Variants in CPLANE1 observed in about 807,000 individuals in gnomAD.
CPLANE1 encodes ciliogenesis and planar polarity effector 1.
A neutral mutation model predicts 362.5 loss-of-function variants in CPLANE1; 263 were observed. The observed-to-expected ratio is 0.73, with a 90% confidence interval of 0.66 to 0.80. The LOEUF (loss-of-function observed/expected upper bound fraction) is 0.80, where lower values mean the gene tolerates loss of function less well. CPLANE1 is among the 30% of genes least tolerant of loss of function. The probability of loss-of-function intolerance (pLI) is 0.00; values close to 1 mark genes in which losing one functional copy is unlikely to be tolerated. For synonymous variants in CPLANE1, 1,212 were observed against 1,302.6 expected (o/e 0.93, Z 1.50); for missense variants, 3,461 against 3,793.4 (o/e 0.91, Z 2.30).
downstream of CPLANE1, among the ~76,000 whole-genome samples, chr5:37,104,664 G>T (rs559373725): frequency 6.6e-6 from 1 of 151,692 alleles, no homozygotes. Flanking sequence ...CCAGCACTTT[G>T]GGAGGCCCAG....
At chr5:37,119,461 G>A (rs187070204) in intron 50 of CPLANE1, among the ~76,000 whole-genome samples, 136 of 151,906 alleles carry the variant, frequency 9.0e-4, no homozygotes, top group East Asian at 3.7e-3. Context: ...ACCTGAGGTC[G>A]GGAGTTCGAG....
At chr5:37,131,977 A>T (rs1474142168) in intron 46 of CPLANE1, among the ~76,000 whole-genome samples, 1 of 152,146 alleles carries the variant, frequency 6.6e-6, no homozygotes, top group Non-Finnish European at 1.5e-5. Flanking sequence ...TTTTTATTCT[A>T]ATTATTGACA....
At chr5:37,166,456 C>G (rs981099536) in intron 35 of CPLANE1, among the ~76,000 whole-genome samples, 1 of 152,076 alleles carries the variant, frequency 6.6e-6, no homozygotes, top group East Asian at 1.9e-4. Context: ...AACCATGGTT[C>G]GAAAATAGAT....
rs751074654 is a variant in CPLANE1 at position 37,165,520 on chromosome 5, T to C, written c.7533+19A>G. ...TGTACATGCAAACCAGGGAAGAATC[T>C]ATAGCAGTTTTTCTATACCTTGGGT... On this transcript the variant is annotated intron_variant, in intron 36 of 52. Coordinates refer to ENST00000651892, the MANE Select transcript of CPLANE1 (RefSeq NM_001384732.1). The C allele has an allele frequency of 1.2e-6, 2 of 1,607,472 alleles. No individual in the cohort carries two copies. The highest frequency in any genetic ancestry group is 8.5e-7 in the Non-Finnish European group (1 of 1,177,450).
At position 37,227,269 on chromosome 5, in the gene CPLANE1, T is replaced by C. The variant is rs1028627119; in HGVS notation, c.1495A>G (p.Ile499Val). 6.4e-7 allele frequency: 1 copy of C among 1,551,694 alleles called. No homozygotes were observed. Residue 499 changes from isoleucine to valine, a missense_variant, in exon 11 of 53, where the codon ATA (isoleucine) becomes GTA (valine). Physicochemically the swap from Ile to Val is conservative, Grantham distance 29. This residue lies in a region of CPLANE1 where 3,380 missense variants were observed against 3,666.1 expected (regional missense o/e 0.92). Transcript: ENST00000651892. ...VPKFLQAEET[I>V]NENAADFQDF... ...TGAAAATCTGCTGCATTTTCATTTATTGTTTCTTCTGCCTGCAAGAATTTG... is the reference window on the plus strand; with the variant it reads ...TGAAAATCTGCTGCATTTTCATTTACTGTTTCTTCTGCCTGCAAGAATTTG...
chr5:37,187,554 C>G lies in CPLANE1; in HGVS notation c.3940G>C (p.Asp1314His), dbSNP rs2151223947. Residue 1314 changes from aspartate (D) to histidine (H), a missense_variant, in exon 23 of 53, where the codon GAT becomes CAT. Around this residue, in one of 2 missense-constraint regions of CPLANE1, gnomAD observed 3,380 missense variants for 3,666.1 expected, o/e 0.92. Transcript: ENST00000651892. ...KGEKDLEVEF[D>H]SCMIEHCLSA... ...AGACAGTGCTCAATCATACAAGAAT[C>G]AAACTCCACTTCAAGGTCCTAAAAG... 1 of 1,607,738 alleles carries G rather than the reference C, an allele frequency of 6.2e-7. No individual in the cohort carries two copies. The highest frequency in any genetic ancestry group is 8.5e-7 in the Non-Finnish European group (1 of 1,178,362).
At chr5:37,085,800 C>A in the CPLANE1 span, 1 of 1,443,420 alleles carries the variant, frequency 6.9e-7, no homozygotes, top group Non-Finnish European at 9.8e-7. Context: ...ATCTGCCTCA[C>A]TATTGCTGAA....
Position 37,172,515 on chromosome 5 carries a change from T to C in CPLANE1, c.6171+1240A>G, listed in dbSNP as rs921576394. Among the ~76,000 whole-genome samples, 12 of 152,286 alleles carry C rather than the reference T, an allele frequency of 7.9e-5. No individual in the cohort carries two copies. In the South Asian group the frequency reaches 1.9e-3, roughly 24 times the overall value. The stretch of plus-strand genomic sequence containing the variant: ...ACCAGTGAAGTCCCCAAGTAATCCA[T>C]CTAACAGTTTGAGAGATGTCTCTAA... On this transcript the variant is annotated intron_variant, in intron 32 of 52. Coordinates refer to ENST00000651892, the MANE Select transcript of CPLANE1 (RefSeq NM_001384732.1).
intron 38 of CPLANE1, among the ~76,000 whole-genome samples, chr5:37,160,064 CAAAG>C (rs1412823835): frequency 6.6e-6 from 1 of 152,002 alleles, no homozygotes; most frequent in Admixed American, 6.5e-5. Context: ...TAGGTAGAAA[CAAAG>C]AGTGACAACT....
chr5:37,151,298 G>A (rs1015781971), intron 42 of CPLANE1, among the ~76,000 whole-genome samples: 3 of 152,066 alleles, frequency 2.0e-5, no homozygotes, highest in South Asian at 2.1e-4. Flanking sequence ...TTACCAGCTC[G>A]AGTCACCTCC....
Position 37,157,723 on chromosome 5 carries a change from T to C in CPLANE1, c.7958A>G (p.Tyr2653Cys), listed in dbSNP as rs371374142. ...LAVPSSAELH[Y>C]MAASVTNAVP... Reference sequence around the variant, plus strand: ...AGCATTAGTAACTGAAGCTGCCATATAATGTAACTCTGCAGACGATGGAAC... The same window carrying C: ...AGCATTAGTAACTGAAGCTGCCATACAATGTAACTCTGCAGACGATGGAAC... The change falls in exon 40 of 53, where the codon TAT becomes TGT. Residue 2653 changes from tyrosine to cysteine, a missense_variant. By Grantham distance (194) the Tyr-to-Cys change is radical. This residue lies in a region of CPLANE1 where 3,380 missense variants were observed against 3,666.1 expected (regional missense o/e 0.92). Coordinates refer to ENST00000651892, the MANE Select transcript of CPLANE1 (RefSeq NM_001384732.1). The C allele has an allele frequency of 4.6e-5, 74 of 1,613,916 alleles. No homozygotes were observed. Among genetic ancestry groups the C allele is most frequent in the Non-Finnish European group, 6.3e-5 (74 of 1,179,964 alleles).
intron 51 of CPLANE1, among the ~76,000 whole-genome samples, chr5:37,112,820 G>T (rs1037665011): frequency 6.6e-6 from 1 of 152,168 alleles, no homozygotes; most frequent in Non-Finnish European, 1.5e-5. Context: ...CAGAGGCAGG[G>T]TTACCATTGA....
In CPLANE1 at chr5:37,133,607, T is replaced by C. The variant is rs545740243; in HGVS notation, c.8792+5113A>G. Among the ~76,000 whole-genome samples, 54 of 152,070 alleles carry C rather than the reference T, an allele frequency of 3.6e-4. No homozygotes were observed. The South Asian group carries it at 0.011, about 31-fold the overall frequency. On this transcript the variant is annotated intron_variant, in intron 46 of 52. Coordinates refer to ENST00000651892, the MANE Select transcript of CPLANE1 (RefSeq NM_001384732.1). ...TATTGGTGCATAGAAATGCTACTGA[T>C]TTTTGTACATTGATTTTGTATCCTG...
chr5:37,211,090 G>C (rs1325715665), intron 16 of CPLANE1: 1 of 951,604 alleles, frequency 1.1e-6, no homozygotes, highest in Non-Finnish European at 1.7e-6. Flanking sequence ...TTAATAAATG[G>C]CAACATGGTG....
intron 37 of CPLANE1, among the ~76,000 whole-genome samples, chr5:37,163,368 T>C (rs1458478572): frequency 2.0e-5 from 3 of 151,910 alleles, no homozygotes; most frequent in Admixed American, 6.6e-5. Flanking sequence ...AAAGAGAACA[T>C]AGGAGGAAAA....
chr5:37,078,085 G>C, the CPLANE1 span, among the ~76,000 whole-genome samples: 4 of 151,934 alleles, frequency 2.6e-5, no homozygotes, highest in Non-Finnish European at 5.9e-5. Flanking sequence ...ACATATGCAG[G>C]ATGTGCAGGT....
the CPLANE1 span, among the ~76,000 whole-genome samples, chr5:37,086,641 G>A: frequency 3.9e-3 from 596 of 152,290 alleles, 4 homozygotes; most frequent in Middle Eastern, 0.02. Context: ...GGGAATGGAG[G>A]AAGGCGACCA....
the CPLANE1 span, among the ~76,000 whole-genome samples, chr5:37,098,131 C>T: frequency 2.0e-5 from 3 of 151,988 alleles, no homozygotes; most frequent in East Asian, 1.9e-4. Flanking sequence ...TGGTGGCTCA[C>T]GCCTGTAATC....
chr5:37,165,395 G>T, intron 36 of CPLANE1, 144 bp downstream of exon 36: 1 of 751,144 alleles, frequency 1.3e-6, no homozygotes, highest in Non-Finnish European at 2.2e-6. Flanking sequence ...GAGGGAGGCA[G>T]CAGGGACTGA....
Sources: gnomAD v4.1 joint callset for allele counts (sites outside exome capture counted in the v4.1 genomes callset) on GRCh38, gnomAD v4.1.1 for gene constraint, gnomAD v4.1.1 regional missense constraint, MANE v1.5 for transcripts, NCBI Gene and HGNC (gene_info 2026-07-23, HGNC 2026-07-21) for gene names.